CACNA1C: variants seen among roughly 807,000 people sequenced by gnomAD.
The protein encoded by CACNA1C is voltage-dependent L-type calcium channel subunit alpha-1C.
In CACNA1C, 30 loss-of-function variants were observed where a neutral mutation model predicts 229.0. The ratio of observed to expected loss-of-function variants is 0.13; its 90% confidence interval spans 0.10 to 0.18. The LOEUF is 0.18. Ranked by LOEUF, CACNA1C falls within the 10% of genes least tolerant of loss-of-function variation. The probability of loss-of-function intolerance (pLI) is 1.00; values close to 1 mark genes in which losing one functional copy is unlikely to be tolerated. For missense variants in CACNA1C, 1,658 were observed against 2,845.0 expected (o/e 0.58, Z 9.49); for synonymous variants, 1,114 against 1,132.5 (o/e 0.98, Z 0.33).
intron 3 of CACNA1C, among the ~76,000 whole-genome samples, chr12:2,417,124 G>T (rs1409115497): frequency 1.3e-5 from 2 of 152,194 alleles, no homozygotes; most frequent in Non-Finnish European, 2.9e-5. Context: ...ATGTCGCTTT[G>T]GTCCAATGGT....
chr12:2,679,712 C>G lies in CACNA1C; in HGVS notation c.5360C>G (p.Thr1787Arg). ...RLPRPAGYPS[T>R]VSTVEGHGPP... The stretch of plus-strand genomic sequence containing the variant: ...CCTCGCCCCGCCGGCTACCCCAGCA[C>G]GGTCAGCACTGTGGAGGGCCACGGG... The change falls in exon 42 of 47, where the codon ACG becomes AGG. Residue 1787 changes from threonine (T) to arginine (R), a missense_variant. By Grantham distance (71) the Thr-to-Arg change is moderately conservative. Coordinates refer to ENST00000399655, the MANE Select transcript of CACNA1C (RefSeq NM_000719.7). The surrounding 1 kb of genome is among the most constrained non-coding windows in gnomAD (Gnocchi z 5.5). 6.2e-7 allele frequency: 1 copy of G among 1,610,590 alleles called. No homozygotes were observed. Among genetic ancestry groups the G allele is most frequent in the Non-Finnish European group, 8.5e-7 (1 of 1,178,406 alleles).
chr12:2,375,802 C>T (rs1041335288), intron 3 of CACNA1C, among the ~76,000 whole-genome samples: 9 of 152,186 alleles, frequency 5.9e-5, no homozygotes, highest in Non-Finnish European at 1.0e-4. Flanking sequence ...GAGTCTTTAG[C>T]CCACTGGTTC....
In CACNA1C at chr12:2,632,405, ACCT is replaced by A. The variant is rs576140038; in HGVS notation, c.3829-1888_3829-1886del. On this transcript the variant is annotated intron_variant, in intron 29 of 46. Coordinates refer to ENST00000399655, the MANE Select transcript of CACNA1C (RefSeq NM_000719.7). This position sits in a 1 kb window ranked among gnomAD's most constrained non-coding sequence, Gnocchi z 4.1. ...AGAACATCGCTGTGCAGGCCCCTAC[ACCT>A]CCTACACCCAAGAAATCCATCTGCT... is the stretch of plus-strand genomic sequence containing the variant. Among the ~76,000 whole-genome samples the A allele has an allele frequency of 1.1e-4, 17 of 151,644 alleles. No individual in the cohort carries two copies. The South Asian group carries it at 1.3e-3, about 11-fold the overall frequency.
At chr12:2,090,618 A>G (rs761114375) in intron 1 of CACNA1C, among the ~76,000 whole-genome samples, 1 of 152,126 alleles carries the variant, frequency 6.6e-6, no homozygotes, top group Non-Finnish European at 1.5e-5. Flanking sequence ...GTGCCCAGCC[A>G]CGGATAGATT....
At chr12:2,292,713 C>T (rs2093632532) in intron 3 of CACNA1C, among the ~76,000 whole-genome samples, 2 of 152,202 alleles carry the variant, frequency 1.3e-5, no homozygotes, top group Admixed American at 1.3e-4. Context: ...CTAAGGAAAG[C>T]TGCCAGCTTT....
intron 13 of CACNA1C, among the ~76,000 whole-genome samples, chr12:2,579,461 C>T (rs1394207957): frequency 6.6e-6 from 1 of 152,142 alleles, no homozygotes. Flanking sequence ...ATTACCCCAG[C>T]CCCAGAGTCA....
rs367614356 is a variant in CACNA1C at position 2,567,696 on chromosome 12, C to T, written c.1797C>T (p.Gly599=). The T allele has an allele frequency of 4.3e-6, 7 of 1,613,572 alleles. No individual in the cohort carries two copies. The African/African-American group carries it at 9.3e-5, about 22-fold the overall frequency. Reference sequence around the variant, plus strand: ...TTGACTGCTTCGTCGTGTGTGGCGGCATCCTGGAGACCATCCTGGTGGAGA... The same window carrying T: ...TTGACTGCTTCGTCGTGTGTGGCGGTATCCTGGAGACCATCCTGGTGGAGA... The part of the protein sequence containing the change: ...NRFDCFVVCG[G]ILETILVETK... Residue 599 remains glycine, a synonymous_variant, in exon 13 of 47, where the codon GGC becomes GGT. Transcript: ENST00000399655.
intron 3 of CACNA1C, among the ~76,000 whole-genome samples, chr12:2,251,444 A>G (rs887519672): frequency 2.0e-5 from 3 of 152,196 alleles, no homozygotes; most frequent in African/African-American, 7.2e-5. Context: ...AGCTTCTATG[A>G]AATTTCCAGC....
chr12:2,586,746 G>A (rs1244396691), intron 18 of CACNA1C, among the ~76,000 whole-genome samples: 2 of 152,080 alleles, frequency 1.3e-5, no homozygotes, highest in Non-Finnish European at 2.9e-5. Context: ...CTTTCCCTCC[G>A]CTGGTTCTCT....
intron 3 of CACNA1C, among the ~76,000 whole-genome samples, chr12:2,121,998 C>T (rs1300742557): frequency 6.6e-6 from 1 of 152,190 alleles, no homozygotes; most frequent in African/African-American, 2.4e-5. Context: ...AGCCCCTTCA[C>T]CCCTCGGTTT....
intron 1 of CACNA1C, among the ~76,000 whole-genome samples, chr12:2,013,273 A>G (rs2044743898): frequency 6.6e-6 from 1 of 152,156 alleles, no homozygotes; most frequent in Non-Finnish European, 1.5e-5. Context: ...ACGTGTTTAG[A>G]ATATAAAGTG....
Position 2,691,364 on chromosome 12 carries a change from G to C in CACNA1C, c.*165G>C. The C allele has an allele frequency of 2.8e-6, 2 of 715,652 alleles. No individual in the cohort carries two copies. The highest frequency in any genetic ancestry group is 4.0e-6 in the Non-Finnish European group (2 of 505,218). 44.3% of individuals were successfully genotyped at this position (715,652 alleles called of 1,614,324 possible). On this transcript the variant is annotated 3_prime_UTR_variant, in exon 47 of 47. Coordinates refer to ENST00000399655, the MANE Select transcript of CACNA1C (RefSeq NM_000719.7). Reference sequence around the variant, plus strand: ...AGCCTGGGTGCGCGAGCCGCCCTCCGGGAGGAAGGCGCCCGGCTGCGTCTG... The same window carrying C: ...AGCCTGGGTGCGCGAGCCGCCCTCCCGGAGGAAGGCGCCCGGCTGCGTCTG...
chr12:2,361,894 A>G (rs1174278928), intron 3 of CACNA1C, among the ~76,000 whole-genome samples: 1 of 152,220 alleles, frequency 6.6e-6, no homozygotes, highest in Non-Finnish European at 1.5e-5. Context: ...AGCACAGGAA[A>G]GGAGAGATTT....
Position 2,388,244 on chromosome 12 carries a change from A to G in CACNA1C, c.478-60732A>G, listed in dbSNP as rs186222862. On this transcript the variant is annotated intron_variant, in intron 3 of 46. Transcript: ENST00000399655. ...TGGTAACTATAATTAATAAAAATAT[A>G]CACTTGAAATTTGCTCAGGAAGTAG... 2.6e-5 allele frequency among the ~76,000 whole-genome samples: 4 copies of G among 152,298 alleles called. No homozygotes were observed. The East Asian group carries it at 7.7e-4, about 29-fold the overall frequency.
intron 3 of CACNA1C, among the ~76,000 whole-genome samples, chr12:2,277,783 G>T (rs1266374283): frequency 3.3e-5 from 5 of 152,104 alleles, no homozygotes; most frequent in Non-Finnish European, 5.9e-5. Context: ...CACCATAACC[G>T]CTCACCAAAA....
intron 3 of CACNA1C, among the ~76,000 whole-genome samples, chr12:2,261,729 G>T (rs2080303093): frequency 6.6e-6 from 1 of 152,016 alleles, no homozygotes; most frequent in East Asian, 1.9e-4. Context: ...CCAAGCTCTA[G>T]AAGGGTCCTT....
chr12:2,192,104 A>G (rs1005978875), intron 3 of CACNA1C, among the ~76,000 whole-genome samples: 12 of 152,130 alleles, frequency 7.9e-5, no homozygotes, highest in Non-Finnish European at 1.6e-4. Flanking sequence ...ATGGGCGCGC[A>G]CACACACACC....
At chr12:2,439,660 C>T (rs1267575905) in intron 3 of CACNA1C, among the ~76,000 whole-genome samples, 2 of 151,892 alleles carry the variant, frequency 1.3e-5, no homozygotes, top group African/African-American at 4.8e-5. Context: ...GCAACTAAGC[C>T]ATTTCAACTT....
intron 3 of CACNA1C, among the ~76,000 whole-genome samples, chr12:2,318,935 A>T (rs1051020149): frequency 1.7e-4 from 25 of 150,616 alleles, no homozygotes; most frequent in Non-Finnish European, 8.8e-5. Context: ...CAGGGAAGGA[A>T]GGAAGGCAGG....
Sources: gnomAD v4.1 joint callset for allele counts (sites outside exome capture counted in the v4.1 genomes callset) on GRCh38, gnomAD v4.1.1 for gene constraint, Gnocchi (gnomAD v3.1) non-coding constraint, MANE v1.5 for transcripts, NCBI Gene and HGNC (gene_info 2026-07-23, HGNC 2026-07-21) for gene names.